The following LOC122539214 variants were observed in gnomAD, a reference collection of about 807,000 sequenced individuals.
At chr19:52,659,614 A>AAC in the LOC122539214 span, among the ~76,000 whole-genome samples, 1 of 60,498 alleles carries the variant, frequency 1.7e-5, no homozygotes, top group African/African-American at 9.1e-5. Context: ...ACTCCAACTC[A>AAC]AAAAAAAAAA....
chr19:52,676,990 G>A, the LOC122539214 span, among the ~76,000 whole-genome samples: 2 of 145,432 alleles, frequency 1.4e-5, no homozygotes, highest in African/African-American at 2.6e-5. Flanking sequence ...CAAACACTGC[G>A]GAAGGCCGCA....
chr19:52,658,100 C>T, the LOC122539214 span, among the ~76,000 whole-genome samples: 1 of 149,010 alleles, frequency 6.7e-6, no homozygotes, highest in East Asian at 2.0e-4. Context: ...CATGCCATTG[C>T]ACTCCACCCT....
At chr19:52,676,126 G>C in the LOC122539214 span, among the ~76,000 whole-genome samples, 1 of 152,174 alleles carries the variant, frequency 6.6e-6, no homozygotes, top group Non-Finnish European at 1.5e-5. Context: ...AATTGCAGGC[G>C]CGCGCCGCCA....
At chr19:52,671,106 C>T in the LOC122539214 span, among the ~76,000 whole-genome samples, 5 of 152,164 alleles carry the variant, frequency 3.3e-5, no homozygotes, top group African/African-American at 7.2e-5. Flanking sequence ...CCCTCACAAA[C>T]GATACCTTTG....
the LOC122539214 span, among the ~76,000 whole-genome samples, chr19:52,687,378 AAT>A: frequency 0.012 from 482 of 40,294 alleles, 187 homozygotes; most frequent in African/African-American, 0.13. Flanking sequence ...TATAAATTAT[AAT>A]TTATATATAT....
At chr19:52,682,121 C>T in the LOC122539214 span, among the ~76,000 whole-genome samples, 8 of 152,172 alleles carry the variant, frequency 5.3e-5, no homozygotes, top group South Asian at 4.2e-4. Flanking sequence ...GCTGGGATTA[C>T]GGGCATGAGC....
chr19:52,687,389 A>ATAAAT, the LOC122539214 span, among the ~76,000 whole-genome samples: 1 of 44,366 alleles, frequency 2.3e-5, no homozygotes, highest in Non-Finnish European at 3.6e-5. Context: ...ATTTATATAT[A>ATAAAT]TATAATTTAT....
At chr19:52,684,181 C>T in the LOC122539214 span, among the ~76,000 whole-genome samples, 4 of 151,930 alleles carry the variant, frequency 2.6e-5, no homozygotes, top group Non-Finnish European at 5.9e-5. Flanking sequence ...CCAGCCTGGC[C>T]AACATCGTGA....
At chr19:52,685,624 C>T in the LOC122539214 span, among the ~76,000 whole-genome samples, 9 of 151,956 alleles carry the variant, frequency 5.9e-5, no homozygotes, top group African/African-American at 1.2e-4. Context: ...TGGTCAGGCA[C>T]GGTAGCTCTT....
chr19:52,667,896 G>A, the LOC122539214 span, among the ~76,000 whole-genome samples: 2 of 152,108 alleles, frequency 1.3e-5, no homozygotes, highest in Admixed American at 6.6e-5. Context: ...AGCTTATCTG[G>A]TATAAAAATC....
At chr19:52,673,578 C>A in the LOC122539214 span, among the ~76,000 whole-genome samples, 2 of 152,010 alleles carry the variant, frequency 1.3e-5, no homozygotes, top group African/African-American at 4.8e-5. Flanking sequence ...TATTTAAAAA[C>A]CTTAAGCTTT....
the LOC122539214 span, chr19:52,655,405 C>A: frequency 1.4e-6 from 1 of 715,922 alleles, no homozygotes; most frequent in South Asian, 1.8e-5. Flanking sequence ...CTCTAAGAAG[C>A]TGTCTATGAC....
the LOC122539214 span, among the ~76,000 whole-genome samples, chr19:52,663,242 T>G: frequency 6.6e-6 from 1 of 152,200 alleles, no homozygotes; most frequent in African/African-American, 2.4e-5. Context: ...TCTAAGGTCC[T>G]GATGGCATGA....
the LOC122539214 span, among the ~76,000 whole-genome samples, chr19:52,669,791 A>G: frequency 6.6e-6 from 1 of 152,158 alleles, no homozygotes; most frequent in East Asian, 1.9e-4. Flanking sequence ...CTGTCACACC[A>G]TGCATCCGTG....
chr19:52,653,000 C>T, the LOC122539214 span: 2 of 1,364,078 alleles, frequency 1.5e-6, no homozygotes, highest in Non-Finnish European at 2.1e-6. Flanking sequence ...CCAGTATGAA[C>T]TCTCTGATGT....
At chr19:52,690,029 G>T in the LOC122539214 span, among the ~76,000 whole-genome samples, 3 of 152,222 alleles carry the variant, frequency 2.0e-5, no homozygotes, top group Non-Finnish European at 4.4e-5. Flanking sequence ...CCCAGGACTA[G>T]GCAGAGGACA....
the LOC122539214 span, among the ~76,000 whole-genome samples, chr19:52,676,532 CG>C: frequency 6.6e-6 from 1 of 151,566 alleles, no homozygotes; most frequent in African/African-American, 2.4e-5. Context: ...CCAGCCGCCC[CG>C]TCTGGGAGGG....
chr19:52,665,782 G>A, the LOC122539214 span, among the ~76,000 whole-genome samples: 2 of 152,242 alleles, frequency 1.3e-5, no homozygotes, highest in African/African-American at 2.4e-5. Context: ...GGCCTCATGC[G>A]TCTGGAGTAA....
At chr19:52,663,588 T>C in the LOC122539214 span, among the ~76,000 whole-genome samples, 1 of 152,208 alleles carries the variant, frequency 6.6e-6, no homozygotes, top group African/African-American at 2.4e-5. Flanking sequence ...TTGATGTTAG[T>C]GTAAAGAAAA....
Sources: gnomAD v4.1 joint callset for allele counts (sites outside exome capture counted in the v4.1 genomes callset) on GRCh38, gnomAD v4.1.1 for gene constraint, MANE v1.5 for transcripts.